Variants in HSD17B4 observed in about 807,000 individuals in gnomAD.
The protein encoded by HSD17B4 is hydroxysteroid 17-beta dehydrogenase 4, also known as peroxisomal multifunctional enzyme type 2.
A neutral mutation model predicts 101.0 loss-of-function variants in HSD17B4; 70 were observed. That is an observed-to-expected ratio of 0.69 (90% confidence interval 0.57 to 0.85). The LOEUF (loss-of-function observed/expected upper bound fraction) is 0.85, where lower values mean the gene tolerates loss of function less well. Ranked by LOEUF, HSD17B4 falls within the 40% of genes least tolerant of loss-of-function variation. The pLI is 0.00. For missense variants in HSD17B4, 984 were observed against 892.4 expected (o/e 1.10, Z -1.31); for synonymous variants, 347 against 297.1 (o/e 1.17, Z -1.73).
intron 8 of HSD17B4, among the ~76,000 whole-genome samples, chr5:119,486,990 G>A (rs1749667091): frequency 6.6e-6 from 1 of 151,956 alleles, no homozygotes; most frequent in Non-Finnish European, 1.5e-5. Context: ...TTTGTTCTGT[G>A]TTCTAAATTG....
intron 2 of HSD17B4, among the ~76,000 whole-genome samples, chr5:119,471,313 A>G (rs749620290): frequency 2.0e-5 from 3 of 152,090 alleles, no homozygotes. Flanking sequence ...GTCTTGTAAC[A>G]TTTTTATTTT....
chr5:119,465,250 G>A (rs2126648602), intron 2 of HSD17B4, among the ~76,000 whole-genome samples: 1 of 152,208 alleles, frequency 6.6e-6, no homozygotes, highest in East Asian at 1.9e-4. Flanking sequence ...AAATGGGATT[G>A]CTTTCTGGTT....
At chr5:119,456,872 C>T (rs576411749) in intron 2 of HSD17B4, 55 of 160,940 alleles carry the variant, frequency 3.4e-4, no homozygotes, top group Non-Finnish European at 2.5e-4. Context: ...CAAAAGAGAG[C>T]CCCTGTAAGT....
intron 17 of HSD17B4, among the ~76,000 whole-genome samples, chr5:119,520,293 A>G (rs987219295): frequency 6.6e-6 from 1 of 152,076 alleles, no homozygotes; most frequent in African/African-American, 2.4e-5. Context: ...TCTTTTGCAT[A>G]TCTGGGGTCT....
rs142827521 is a variant in HSD17B4, at chr5:119,505,635, C to T, written c.1262-1183C>T. On this transcript the variant is annotated intron_variant, in intron 14 of 23. Transcript: ENST00000510025. ...CTTGACTCATTATCAGTTCTAGGAG[C>T]CTTTTGGTAGATGGAGTCTTTAGTG... is the stretch of plus-strand genomic sequence containing the variant. Among the ~76,000 whole-genome samples the T allele has an allele frequency of 4.4e-3, 672 of 151,974 alleles. 4 individuals are homozygous for T. Among genetic ancestry groups the T allele is most frequent in the African/African-American group, 0.015 (631 of 41,460 alleles).
intron 13 of HSD17B4, 22 bp downstream of exon 13, chr5:119,499,575 T>C (rs747840078): frequency 2.2e-6 from 3 of 1,389,788 alleles, no homozygotes; most frequent in Admixed American, 1.7e-5. Context: ...AAAAAACCTT[T>C]ATTTTGCTTT....
intron 1 of HSD17B4, 196 bp downstream of exon 1, chr5:119,452,829 C>G: frequency 6.5e-7 from 1 of 1,535,942 alleles, no homozygotes; most frequent in Non-Finnish European, 8.7e-7. Flanking sequence ...CAGGTACAGC[C>G]CGCTTCTCCC....
intron 15 of HSD17B4, among the ~76,000 whole-genome samples, chr5:119,507,977 T>G (rs1160770860): frequency 6.6e-6 from 1 of 152,158 alleles, no homozygotes; most frequent in Non-Finnish European, 1.5e-5. Context: ...ATTTTTCTTG[T>G]AAATACATAG....
In HSD17B4 at chr5:119,514,878, A is replaced by C. The variant is rs1752474884; in HGVS notation, c.1438-103A>C. The C allele has an allele frequency of 4.0e-6, 3 of 756,254 alleles. No individual in the cohort carries two copies. In the Admixed American group the frequency reaches 5.9e-5, roughly 15 times the overall value. 46.8% of individuals were successfully genotyped at this position (756,254 alleles called of 1,614,324 possible). A position where few individuals can be genotyped will look rare whatever the true frequency, so the allele number is the denominator to read the frequency against. ...TTAAACCCTTTTATCCAATTTGCAG[A>C]GTTTATTGTATTGAAACATGATTGT... On this transcript the variant is annotated intron_variant, in intron 16 of 23. Coordinates refer to ENST00000510025, the MANE Select transcript of HSD17B4 (RefSeq NM_000414.4).
intron 22 of HSD17B4, chr5:119,535,910 G>T (rs1236373143): frequency 5.8e-6 from 1 of 170,962 alleles, no homozygotes; most frequent in Non-Finnish European, 1.3e-5. Context: ...ATCCTCAGGG[G>T]TCTCCAAGTT....
intron 16 of HSD17B4, 79 bp downstream of exon 16, chr5:119,509,323 G>A: frequency 3.2e-6 from 3 of 929,102 alleles, no homozygotes; most frequent in Non-Finnish European, 5.4e-6. Flanking sequence ...AACAGCATGA[G>A]TTTGAACTGC....
chr5:119,516,613 T>C (rs1253792868), intron 17 of HSD17B4, among the ~76,000 whole-genome samples: 3 of 152,198 alleles, frequency 2.0e-5, no homozygotes, highest in Non-Finnish European at 4.4e-5. Flanking sequence ...GTATGATAAT[T>C]AGAGAATATA....
chr5:119,518,396 C>A lies in HSD17B4; in HGVS notation c.1503+3350C>A, dbSNP rs569694714. Among the ~76,000 whole-genome samples, 138 of 152,290 alleles carry A rather than the reference C, an allele frequency of 9.1e-4. 1 individual carries two copies. The highest frequency in any genetic ancestry group is 3.4e-3 in the Middle Eastern group (1 of 294). On this transcript the variant is annotated intron_variant, in intron 17 of 23. Transcript: ENST00000510025. ...GCCACCTTAAGAGCTGTAACACTCA[C>A]TGTGAGGGTCCGCGGCTTCATTCTT... is the stretch of plus-strand genomic sequence containing the variant.
At position 119,493,923 on chromosome 5, in the gene HSD17B4, C is replaced by G. The variant is rs755644876; in HGVS notation, c.845C>G (p.Ala282Gly). ...AAGAAGATCTGTGACTTTGAGAATG[C>G]CAGCAAGCCTCAGAGTATCCAAGGT... is the stretch of plus-strand genomic sequence containing the variant. ...NWKKICDFEN[A>G]SKPQSIQEST... Residue 282 changes from alanine (A) to glycine (G), a missense_variant, in exon 11 of 24, where the codon GCC (alanine) becomes GGC (glycine). Coordinates refer to ENST00000510025, the MANE Select transcript of HSD17B4 (RefSeq NM_000414.4). The G allele has an allele frequency of 6.2e-7, 1 of 1,613,150 alleles. No homozygotes were observed. The highest frequency in any genetic ancestry group is 8.5e-7 in the Non-Finnish European group (1 of 1,179,364).
intron 8 of HSD17B4, among the ~76,000 whole-genome samples, chr5:119,488,310 C>T (rs1484856144): frequency 6.6e-6 from 1 of 152,014 alleles, no homozygotes; most frequent in Admixed American, 6.6e-5. Context: ...TCATGTAGTA[C>T]CTTTCTGCTT....
At chr5:119,518,219 C>T (rs1433803927) in intron 17 of HSD17B4, among the ~76,000 whole-genome samples, 1 of 152,096 alleles carries the variant, frequency 6.6e-6, no homozygotes, top group African/African-American at 2.4e-5. Context: ...AGACCATGAG[C>T]CCACCGGGAG....
intron 11 of HSD17B4, 124 bp from the exon 12 acceptor site, chr5:119,496,397 ACATACATTCAGTTCATGAGTGG>A (rs780884049): frequency 5.0e-5 from 32 of 635,170 alleles, no homozygotes; most frequent in Admixed American, 2.2e-4. Flanking sequence ...CAATAGCCTG[ACATACATTCAGTTCATGAGTGG>A]CAATGGAGGC....
chr5:119,475,934 T>A, intron 6 of HSD17B4, 64 bp downstream of exon 6: 1 of 1,239,448 alleles, frequency 8.1e-7, no homozygotes, highest in Non-Finnish European at 1.2e-6. Context: ...TAGTATTTGA[T>A]AAATTTATAC....
intron 8 of HSD17B4, among the ~76,000 whole-genome samples, chr5:119,482,025 CT>C (rs1749187446): frequency 6.6e-6 from 1 of 152,146 alleles, no homozygotes; most frequent in East Asian, 1.9e-4. Flanking sequence ...CTGGTGTCCT[CT>C]GAGATTCCTG....
Sources: allele counts gnomAD v4.1 joint callset (sites outside exome capture counted in the v4.1 genomes callset), GRCh38; gene constraint gnomAD v4.1.1; transcripts MANE v1.5; gene names NCBI Gene and HGNC (gene_info 2026-07-23, HGNC 2026-07-21).